KIF13A: variants seen among roughly 807,000 people sequenced by gnomAD.
KIF13A encodes kinesin family member 13A, also known as kinesin-like protein KIF13A.
KIF13A carries 79 observed loss-of-function variants against 212.2 expected under a neutral mutation model. That is an observed-to-expected ratio of 0.37 (90% CI 0.31 to 0.45). The LOEUF is 0.45. Among genes scored for constraint, KIF13A ranks in the 20% least tolerant of loss-of-function variants. The pLI, the probability that KIF13A is intolerant of heterozygous loss-of-function variation, is 1.00. For synonymous variants in KIF13A, 789 were observed against 808.6 expected (o/e 0.98, Z 0.41); for missense variants, 1,901 against 2,209.0 (o/e 0.86, Z 2.79).
At chr6:17,952,504 G>C (rs1482719840) in intron 2 of KIF13A, among the ~76,000 whole-genome samples, 2 of 151,996 alleles carry the variant, frequency 1.3e-5, no homozygotes, top group East Asian at 3.9e-4. Context: ...TTAGTAGTGT[G>C]CTCGCATCTG....
chr6:17,835,956 G>C (rs2147210), intron 11 of KIF13A, among the ~76,000 whole-genome samples: 77,476 of 151,944 alleles, frequency 0.51, 19,985 homozygotes, highest in South Asian at 0.6. Context: ...TGTGAACTTA[G>C]AAGTGTCAGA....
At position 17,936,216 on chromosome 6, in the gene KIF13A, T is replaced by C. The variant is rs116465248; in HGVS notation, c.147-38036A>G. ...AAACTGGGAGTGCAATGGTGGGATCTTGGCTCACTGCAACCTCCGCCTCCC... is the reference window on the plus strand; with the variant it reads ...AAACTGGGAGTGCAATGGTGGGATCCTGGCTCACTGCAACCTCCGCCTCCC... On this transcript the variant is annotated intron_variant, in intron 2 of 38. Transcript: ENST00000259711. 4.6e-3 allele frequency among the ~76,000 whole-genome samples: 696 copies of C among 152,354 alleles called. 3 individuals are homozygous for C. Among genetic ancestry groups the C allele is most frequent in the Non-Finnish European group, 8.1e-3 (553 of 68,036 alleles).
At chr6:17,865,336 A>T (rs202024242) in intron 4 of KIF13A, among the ~76,000 whole-genome samples, 1 of 41,304 alleles carries the variant, frequency 2.4e-5, no homozygotes, top group Non-Finnish European at 5.5e-5. Context: ...GAAAAAAAAA[A>T]AATAAAGGCT....
intron 2 of KIF13A, among the ~76,000 whole-genome samples, chr6:17,935,512 T>C (rs1439880154): frequency 6.6e-6 from 1 of 152,154 alleles, no homozygotes; most frequent in Non-Finnish European, 1.5e-5. Flanking sequence ...TGCAAACTAT[T>C]TTTCTACAAG....
intron 17 of KIF13A, among the ~76,000 whole-genome samples, chr6:17,810,559 G>A (rs1163430159): frequency 2.0e-5 from 3 of 152,198 alleles, no homozygotes; most frequent in Admixed American, 2.0e-4. Context: ...GTTTTGGGAT[G>A]ACTCAAGTGC....
intron 17 of KIF13A, among the ~76,000 whole-genome samples, chr6:17,813,621 T>C (rs75247936): frequency 0.043 from 6,546 of 152,306 alleles, 351 homozygotes; most frequent in African/African-American, 0.12. Flanking sequence ...TGCGTGACTG[T>C]TGCGAGCCTT....
Position 17,773,665 on chromosome 6 carries a change from T to A in KIF13A, c.4219-82A>T. 1 of 683,342 alleles carries A rather than the reference T, an allele frequency of 1.5e-6. No individual in the cohort carries two copies. The highest frequency in any genetic ancestry group is 2.5e-6 in the Non-Finnish European group (1 of 401,516). 42.3% of individuals were successfully genotyped at this position (683,342 alleles called of 1,614,324 possible). ...AGCCCAGGTTGGAGTTTCTTCTGTT[T>A]TTTTTTAATGGCAGCATATGCTCTT... On this transcript the variant is annotated intron_variant, in intron 35 of 38. Coordinates refer to ENST00000259711, the MANE Select transcript of KIF13A (RefSeq NM_022113.6). The surrounding 1 kb of genome is among the most constrained non-coding windows in gnomAD (Gnocchi z 4.2).
At chr6:17,884,482 T>C (rs1293976254) in intron 3 of KIF13A, among the ~76,000 whole-genome samples, 1 of 152,218 alleles carries the variant, frequency 6.6e-6, no homozygotes, top group Non-Finnish European at 1.5e-5. Flanking sequence ...TTATTCTCTC[T>C]AGGTACAGGA....
At chr6:17,784,599 G>A (rs1760890107) in intron 28 of KIF13A, among the ~76,000 whole-genome samples, 1 of 152,124 alleles carries the variant, frequency 6.6e-6, no homozygotes, top group South Asian at 2.1e-4. Flanking sequence ...ATGACACCCA[G>A]GCCTACATGT....
rs1288069251 is a variant in KIF13A at position 17,967,372 on chromosome 6, ATATCT to A, written c.146+19677_146+19681del. 1.3e-5 allele frequency among the ~76,000 whole-genome samples: 2 copies of A among 152,228 alleles called. No homozygotes were observed. Among genetic ancestry groups the A allele is most frequent in the East Asian group, 1.9e-4 (1 of 5,204 alleles). ...ATGAGTAAACTGTATTTTACCTCTA[ATATCT>A]TATATTTTCAAAGTGTTCAACAGTG... On this transcript the variant is annotated intron_variant, in intron 2 of 38. Transcript: ENST00000259711. This position sits in a 1 kb window ranked among gnomAD's most constrained non-coding sequence, Gnocchi z 4.1.
intron 2 of KIF13A, among the ~76,000 whole-genome samples, chr6:17,925,395 T>C (rs1238071164): frequency 2.0e-5 from 3 of 152,188 alleles, no homozygotes; most frequent in Non-Finnish European, 4.4e-5. Context: ...ATGAGGAATT[T>C]GGTTTCAAAC....
chr6:17,978,105 G>A (rs112198463), intron 2 of KIF13A, among the ~76,000 whole-genome samples: 2 of 152,206 alleles, frequency 1.3e-5, no homozygotes, highest in African/African-American at 4.8e-5. Context: ...AAATGAGGGG[G>A]CTTGGACTGG....
intron 4 of KIF13A, among the ~76,000 whole-genome samples, chr6:17,860,322 G>A (rs911153602): frequency 6.6e-6 from 1 of 151,942 alleles, no homozygotes; most frequent in Non-Finnish European, 1.5e-5. Flanking sequence ...CTAAGTAGCT[G>A]GGATTATAGG....
At chr6:17,907,872 GC>G (rs1581697622) in intron 2 of KIF13A, among the ~76,000 whole-genome samples, 4 of 152,176 alleles carry the variant, frequency 2.6e-5, no homozygotes, top group Non-Finnish European at 4.4e-5. Context: ...AGAAGAAATT[GC>G]CACAGATGGT....
At chr6:17,801,978 A>G (rs1762506866) in intron 20 of KIF13A, among the ~76,000 whole-genome samples, 1 of 152,236 alleles carries the variant, frequency 6.6e-6, no homozygotes, top group Non-Finnish European at 1.5e-5. Context: ...GAAAAGGATT[A>G]TTCTAAAATT....
intron 6 of KIF13A, among the ~76,000 whole-genome samples, chr6:17,854,783 C>G (rs1174414501): frequency 1.3e-5 from 2 of 151,826 alleles, no homozygotes; most frequent in African/African-American, 4.8e-5. Context: ...GAACTCCTGA[C>G]CTCAGATGAT....
chr6:17,805,665 A>G (rs371672880), intron 18 of KIF13A, 50 bp from the exon 19 acceptor site: 2 of 1,520,482 alleles, frequency 1.3e-6, no homozygotes, highest in South Asian at 1.2e-5. Context: ...TCCTTTTTCG[A>G]TTGCTAAAGC....
chr6:17,820,889 GAATT>G (rs1321339546), intron 16 of KIF13A, among the ~76,000 whole-genome samples: 1 of 152,126 alleles, frequency 6.6e-6, no homozygotes, highest in Non-Finnish European at 1.5e-5. Flanking sequence ...AAGAGAATTA[GAATT>G]AATTAACACC....
intron 26 of KIF13A, 127 bp from the exon 27 acceptor site, chr6:17,788,002 G>A: frequency 1.6e-6 from 1 of 635,890 alleles, no homozygotes; most frequent in Non-Finnish European, 2.8e-6. Context: ...GAACATTGCT[G>A]TGTGATTAAT....
Sources: allele counts gnomAD v4.1 joint callset (sites outside exome capture counted in the v4.1 genomes callset), GRCh38; gene constraint gnomAD v4.1.1; non-coding constraint Gnocchi (gnomAD v3.1); transcripts MANE v1.5; gene names NCBI Gene and HGNC (gene_info 2026-07-23, HGNC 2026-07-21).